ERICH6B: variants seen among roughly 807,000 people sequenced by gnomAD.
The protein encoded by ERICH6B is glutamate-rich protein 6B.
A neutral mutation model predicts 80.0 loss-of-function variants in ERICH6B; 69 were observed. That is an observed-to-expected ratio of 0.86 (90% CI 0.71 to 1.05). ERICH6B has a LOEUF of 1.05. ERICH6B is among the 50% of genes least tolerant of loss of function. The pLI, the probability that ERICH6B is intolerant of heterozygous loss-of-function variation, is 0.00. For missense variants in ERICH6B, 754 were observed against 796.1 expected (o/e 0.95, Z 0.64); for synonymous variants, 283 against 291.9 (o/e 0.97, Z 0.31).
At chr13:45,605,751 C>T (rs545887511) in intron 2 of ERICH6B, among the ~76,000 whole-genome samples, 2 of 152,300 alleles carry the variant, frequency 1.3e-5, no homozygotes, top group Non-Finnish European at 1.5e-5. Context: ...AATAATTCTC[C>T]GTGATAAAGA....
At chr13:45,587,309 G>T in intron 4 of ERICH6B, 77 bp from the exon 5 acceptor site, 4 of 1,325,874 alleles carry the variant, frequency 3.0e-6, no homozygotes, top group East Asian at 2.5e-5. Flanking sequence ...CATGTTAGGG[G>T]TTGAGGGGGT....
At chr13:45,608,335 A>G (rs557202058) in intron 1 of ERICH6B, among the ~76,000 whole-genome samples, 1 of 152,354 alleles carries the variant, frequency 6.6e-6, no homozygotes, top group East Asian at 1.9e-4. Context: ...TTATTGGCCC[A>G]GAGAAGGCAG....
intron 1 of ERICH6B, among the ~76,000 whole-genome samples, chr13:45,611,188 G>A (rs538349640): frequency 2.4e-4 from 37 of 152,164 alleles, no homozygotes; most frequent in African/African-American, 8.2e-4. Context: ...GCATCCAACC[G>A]AATGCTAGAA....
intron 2 of ERICH6B, among the ~76,000 whole-genome samples, chr13:45,606,547 ATTTTTTTTT>A (rs71074722): frequency 4.3e-3 from 72 of 16,582 alleles, no homozygotes; most frequent in South Asian, 0.015. Flanking sequence ...ATATATATAT[ATTTTTTTTT>A]TTTTTTTTTT....
intron 4 of ERICH6B, among the ~76,000 whole-genome samples, chr13:45,588,550 A>G (rs1876021977): frequency 6.6e-6 from 1 of 152,160 alleles, no homozygotes; most frequent in Non-Finnish European, 1.5e-5. Flanking sequence ...CCTTCTAGCG[A>G]GATGATGACT....
In ERICH6B at chr13:45,541,633, C is replaced by T; in HGVS notation, c.1920G>A (p.Leu640=). 6.4e-7 allele frequency: 1 copy of T among 1,551,412 alleles called. No homozygotes were observed. The highest frequency in any genetic ancestry group is 8.7e-7 in the Non-Finnish European group (1 of 1,147,018). The change falls in exon 15 of 15, where the codon CTG becomes CTA. Residue 640 remains leucine, a synonymous_variant. Transcript: ENST00000298738. ...GGGCTGTTGGGCCGGGTTCTGCCTC[C>T]AGGATGGTTTTCTTCTTCATTTCGC... is the stretch of plus-strand genomic sequence containing the variant. ...VLSEMKKKTI[L]EAEPGPTAQK... is the part of the protein sequence containing the mutation.
At chr13:45,606,342 A>G (rs917680349) in intron 2 of ERICH6B, among the ~76,000 whole-genome samples, 1 of 151,300 alleles carries the variant, frequency 6.6e-6, no homozygotes, top group Admixed American at 6.6e-5. Context: ...GAAGAATGGT[A>G]TTTTTGGGGT....
chr13:45,579,687 A>G (rs969950020), intron 7 of ERICH6B, among the ~76,000 whole-genome samples: 1 of 152,180 alleles, frequency 6.6e-6, no homozygotes, highest in African/African-American at 2.4e-5. Context: ...GGGAGTCCCT[A>G]TCCCAAGCTT....
intron 7 of ERICH6B, among the ~76,000 whole-genome samples, chr13:45,578,083 T>C (rs1391629689): frequency 6.6e-6 from 1 of 152,256 alleles, no homozygotes; most frequent in Non-Finnish European, 1.5e-5. Context: ...AATCCAGTTT[T>C]AGCAAGAACC....
chr13:45,552,168 C>T (rs1381881242), intron 11 of ERICH6B, among the ~76,000 whole-genome samples: 1 of 152,150 alleles, frequency 6.6e-6, no homozygotes, highest in Non-Finnish European at 1.5e-5. Flanking sequence ...GATTAAAATG[C>T]ACTGGGGCAA....
chr13:45,589,440 T>A (rs2138013142), intron 4 of ERICH6B, among the ~76,000 whole-genome samples: 1 of 152,326 alleles, frequency 6.6e-6, no homozygotes, highest in African/African-American at 2.4e-5. Flanking sequence ...GAACGGAGGA[T>A]GACACAGATC....
chr13:45,593,656 C>T (rs1266861139), intron 3 of ERICH6B, among the ~76,000 whole-genome samples: 3 of 152,126 alleles, frequency 2.0e-5, no homozygotes, highest in African/African-American at 4.8e-5. Context: ...GGCAGTCAAG[C>T]TCCTGAGAGA....
chr13:45,577,444 A>G (rs916946900), intron 7 of ERICH6B, among the ~76,000 whole-genome samples: 2 of 151,472 alleles, frequency 1.3e-5, no homozygotes, highest in African/African-American at 4.9e-5. Flanking sequence ...CCACCATGCC[A>G]AGCTAATTTT....
chr13:45,612,300 C>T lies in ERICH6B; in HGVS notation c.-111+3385G>A, dbSNP rs542365101. 3.3e-5 allele frequency among the ~76,000 whole-genome samples: 5 copies of T among 152,318 alleles called. No homozygotes were observed. In the East Asian group the frequency reaches 9.6e-4, roughly 29 times the overall value. On this transcript the variant is annotated intron_variant, in intron 1 of 14. Coordinates refer to ENST00000298738, the MANE Select transcript of ERICH6B (RefSeq NM_182542.3). ...TTAATGTCCCAGACACTGTGTCAGGCACTGGGGCCACAAGGTTGCATAAGG... is the reference window on the plus strand; with the variant it reads ...TTAATGTCCCAGACACTGTGTCAGGTACTGGGGCCACAAGGTTGCATAAGG...
intron 8 of ERICH6B, among the ~76,000 whole-genome samples, chr13:45,570,009 CAG>C (rs1489609316): frequency 6.6e-6 from 1 of 152,158 alleles, no homozygotes; most frequent in East Asian, 1.9e-4. Context: ...CTCCAGAAAA[CAG>C]AATGTCTGTT....
intron 8 of ERICH6B, among the ~76,000 whole-genome samples, chr13:45,572,183 T>C (rs1294929727): frequency 6.6e-6 from 1 of 152,228 alleles, no homozygotes; most frequent in African/African-American, 2.4e-5. Flanking sequence ...TACCTCACCC[T>C]ACAAATGTAC....
chr13:45,554,563 T>C (rs916351124), intron 11 of ERICH6B, among the ~76,000 whole-genome samples: 1 of 152,232 alleles, frequency 6.6e-6, no homozygotes, highest in African/African-American at 2.4e-5. Flanking sequence ...TGTAATGAAA[T>C]TTTCCTGATG....
chr13:45,593,253 T>C (rs1332915561), intron 3 of ERICH6B, among the ~76,000 whole-genome samples: 3 of 152,152 alleles, frequency 2.0e-5, no homozygotes, highest in Non-Finnish European at 1.5e-5. Flanking sequence ...TCTCTGAAGT[T>C]GACCGCTATA....
chr13:45,594,218 A>G (rs1007878750), intron 3 of ERICH6B, among the ~76,000 whole-genome samples: 3 of 152,226 alleles, frequency 2.0e-5, no homozygotes, highest in African/African-American at 7.2e-5. Context: ...AAACCCTAGA[A>G]TTTCATAGAC....
Sources: allele counts gnomAD v4.1 joint callset (sites outside exome capture counted in the v4.1 genomes callset), GRCh38; gene constraint gnomAD v4.1.1; transcripts MANE v1.5; gene names NCBI Gene and HGNC (gene_info 2026-07-23, HGNC 2026-07-21).